Variants in ITSN1 observed in about 807,000 individuals in gnomAD.
ITSN1 encodes the protein intersectin 1, also known as intersectin-1.
Under a neutral mutation model 239.8 loss-of-function variants are expected in ITSN1, and 58 were observed. The observed-to-expected ratio is 0.24, with a 90% CI of 0.20 to 0.30. ITSN1 has a LOEUF of 0.30. ITSN1 is among the 10% of genes least tolerant of loss of function. The pLI, the probability that ITSN1 is intolerant of heterozygous loss-of-function variation, is 1.00. For synonymous variants in ITSN1, 780 were observed against 770.8 expected (o/e 1.01, Z -0.20); for missense variants, 1,558 against 2,103.3 (o/e 0.74, Z 5.07).
At chr21:33,838,975 C>G (rs2074732223) in intron 29 of ITSN1, among the ~76,000 whole-genome samples, 1 of 152,250 alleles carries the variant, frequency 6.6e-6, no homozygotes, top group African/African-American at 2.4e-5. Flanking sequence ...AAACCAGCGT[C>G]CACATTGATG....
intron 1 of ITSN1, among the ~76,000 whole-genome samples, chr21:33,649,470 A>G (rs1161329837): frequency 6.6e-6 from 1 of 152,198 alleles, no homozygotes; most frequent in Non-Finnish European, 1.5e-5. Flanking sequence ...AATTAATGAT[A>G]GGTAGCTTGC....
chr21:33,823,770 T>A, intron 25 of ITSN1, 117 bp downstream of exon 25: 1 of 926,584 alleles, frequency 1.1e-6, no homozygotes, highest in Non-Finnish European at 1.7e-6. Context: ...AATGTGACAG[T>A]AAATCCAGTG....
intron 20 of ITSN1, among the ~76,000 whole-genome samples, chr21:33,804,930 G>A (rs189521379): frequency 1.3e-5 from 2 of 152,312 alleles, no homozygotes; most frequent in East Asian, 3.9e-4. Context: ...ATTAAAAGCT[G>A]TCCTGGGCCA....
At chr21:33,880,572 G>A (rs1386959796) in intron 34 of ITSN1, among the ~76,000 whole-genome samples, 1 of 152,176 alleles carries the variant, frequency 6.6e-6, no homozygotes, top group Non-Finnish European at 1.5e-5. Flanking sequence ...GAGTGCAGTG[G>A]CCCCTTTCCA....
rs374570072 is a variant in ITSN1 at position 33,813,895 on chromosome 21, T to C, written c.2568-18T>C. ...TAGGGAGTGCTTGTTATTCATGGTGTTGTGCTTTTCCCTCCAGGTGGCCCA... is the reference window on the plus strand; with the variant it reads ...TAGGGAGTGCTTGTTATTCATGGTGCTGTGCTTTTCCCTCCAGGTGGCCCA... On this transcript the variant is annotated intron_variant, in intron 21 of 39. Coordinates refer to ENST00000381318, the MANE Select transcript of ITSN1 (RefSeq NM_003024.3). The C allele has an allele frequency of 3.7e-6, 6 of 1,612,448 alleles. No homozygotes were observed. The highest frequency in any genetic ancestry group is 4.2e-6 in the Non-Finnish European group (5 of 1,179,114).
intron 25 of ITSN1, among the ~76,000 whole-genome samples, chr21:33,826,261 C>G (rs1018123794): frequency 1.3e-5 from 2 of 152,208 alleles, no homozygotes; most frequent in Admixed American, 1.3e-4. Context: ...AGGACAGCCA[C>G]TGCCTCTTTG....
intron 24 of ITSN1, among the ~76,000 whole-genome samples, chr21:33,821,184 A>G (rs2073652334): frequency 6.6e-6 from 1 of 152,206 alleles, no homozygotes; most frequent in Admixed American, 6.5e-5. Flanking sequence ...GTTTGTTTTG[A>G]GACATGTACT....
At chr21:33,873,314 G>A (rs1218412238) in intron 33 of ITSN1, among the ~76,000 whole-genome samples, 1 of 152,238 alleles carries the variant, frequency 6.6e-6, no homozygotes, top group Non-Finnish European at 1.5e-5. Flanking sequence ...GACAAGGCCT[G>A]GGCAAATATG....
intron 19 of ITSN1, among the ~76,000 whole-genome samples, chr21:33,800,489 CAT>C (rs2071906750): frequency 6.6e-6 from 1 of 152,096 alleles, no homozygotes; most frequent in Admixed American, 6.5e-5. Context: ...TGCATCAAAG[CAT>C]CTTTTTTCCC....
chr21:33,733,946 A>T (rs1349078286), intron 4 of ITSN1, among the ~76,000 whole-genome samples: 2 of 152,080 alleles, frequency 1.3e-5, no homozygotes, highest in Non-Finnish European at 2.9e-5. Context: ...TTATTGTGTT[A>T]CATGTTTTCT....
intron 1 of ITSN1, among the ~76,000 whole-genome samples, chr21:33,662,783 A>C (rs938057651): frequency 6.6e-6 from 1 of 152,202 alleles, no homozygotes. Flanking sequence ...CTGCACGTAC[A>C]CAGGATGAGT....
rs201440281 is a variant in ITSN1 at position 33,782,003 on chromosome 21, T to G, written c.1694T>G (p.Leu565Arg). The G allele has an allele frequency of 3.1e-6, 5 of 1,598,054 alleles. No individual in the cohort carries two copies. The Admixed American group carries it at 9.3e-5, about 30-fold the overall frequency. The change falls in exon 16 of 40, where the codon CTT (leucine) becomes CGT (arginine). Residue 565 changes from leucine (L) to arginine (R), a missense_variant. Around this residue, in one of 2 missense-constraint regions of ITSN1, gnomAD observed 982 missense variants for 1,209.9 expected, o/e 0.81. Coordinates refer to ENST00000381318, the MANE Select transcript of ITSN1 (RefSeq NM_003024.3). ...VQQNSLHRDS[L>R]VTLKRALEAK... Reference sequence around the variant, plus strand: ...CGTTTTTCTAAAATAGGAGATTCACTTGTTACACTTAAAAGAGCCTTAGAA... The same window carrying G: ...CGTTTTTCTAAAATAGGAGATTCACGTGTTACACTTAAAAGAGCCTTAGAA...
chr21:33,799,681 A>G (rs999095143), intron 18 of ITSN1, 127 bp from the exon 19 acceptor site: 38 of 1,022,642 alleles, frequency 3.7e-5, no homozygotes, highest in Middle Eastern at 6.3e-4. Flanking sequence ...AATTCCTTGA[A>G]TGGAGGGAAA....
chr21:33,831,550 G>C (rs2074296363), intron 27 of ITSN1, among the ~76,000 whole-genome samples: 1 of 152,184 alleles, frequency 6.6e-6, no homozygotes, highest in Non-Finnish European at 1.5e-5. Context: ...CAGTGGACTA[G>C]CCACGGAAGA....
At chr21:33,708,460 C>G (rs1341501153) in intron 1 of ITSN1, among the ~76,000 whole-genome samples, 1 of 152,020 alleles carries the variant, frequency 6.6e-6, no homozygotes, top group Admixed American at 6.6e-5. Context: ...GCGATCTCGG[C>G]TCACAGCAAC....
intron 1 of ITSN1, among the ~76,000 whole-genome samples, chr21:33,669,168 C>T (rs1430512317): frequency 1.3e-5 from 2 of 151,970 alleles, no homozygotes; most frequent in African/African-American, 4.8e-5. Context: ...CTGCAGGCTC[C>T]GCCTCCTGGG....
intron 1 of ITSN1, among the ~76,000 whole-genome samples, chr21:33,712,213 G>A (rs1469839915): frequency 6.6e-6 from 1 of 151,934 alleles, no homozygotes; most frequent in Non-Finnish European, 1.5e-5. Flanking sequence ...GAATTTGTCA[G>A]ATTTTCCTAC....
At chr21:33,767,560 A>G (rs538385720) in intron 10 of ITSN1, among the ~76,000 whole-genome samples, 153 bp from the exon 11 acceptor site, 1 of 152,232 alleles carries the variant, frequency 6.6e-6, no homozygotes, top group African/African-American at 2.4e-5. Flanking sequence ...ACTCTTTGTA[A>G]ATAGAGAAGA....
intron 1 of ITSN1, among the ~76,000 whole-genome samples, chr21:33,669,212 A>G (rs1372448012): frequency 1.3e-5 from 2 of 151,784 alleles, no homozygotes; most frequent in Admixed American, 1.3e-4. Flanking sequence ...CCACCTGAGT[A>G]GCTGGGATTA....
Sources: allele counts gnomAD v4.1 joint callset (sites outside exome capture counted in the v4.1 genomes callset), GRCh38; gene constraint gnomAD v4.1.1; regional missense constraint gnomAD v4.1.1; transcripts MANE v1.5; gene names NCBI Gene and HGNC (gene_info 2026-07-23, HGNC 2026-07-21).